HDGFL3: variants seen among roughly 807,000 people sequenced by gnomAD.
The protein encoded by HDGFL3 is HDGF like 3.
A neutral mutation model predicts 27.6 loss-of-function variants in HDGFL3; 6 were observed. The observed-to-expected ratio is 0.22, with a 90% CI of 0.12 to 0.43. HDGFL3 has a LOEUF of 0.43. Among genes scored for constraint, HDGFL3 ranks in the 20% least tolerant of loss-of-function variants. The pLI is 1.00. For synonymous variants in HDGFL3, 88 were observed against 88.9 expected (o/e 0.99, Z 0.05); for missense variants, 207 against 250.1 (o/e 0.83, Z 1.16).
chr15:83,113,625 C>G (rs1444422822), exon 4 of HDGFL3: 2 of 152,490 alleles, frequency 1.3e-5, no homozygotes, highest in Non-Finnish European at 2.9e-5. Flanking sequence ...CCTACAGCAA[C>G]AAACATTTAT....
intron 1 of HDGFL3, chr15:83,185,790 G>A (rs1429786563): frequency 3.3e-5 from 5 of 152,230 alleles, no homozygotes; most frequent in Non-Finnish European, 7.3e-5. Context: ...CCCTGTCCTT[G>A]AGTATGTGCT....
chr15:83,119,805 T>C, intron 3 of HDGFL3: 1 of 1,473,842 alleles, frequency 6.8e-7, no homozygotes, highest in Non-Finnish European at 9.2e-7. Flanking sequence ...ATAAGTTCCA[T>C]GGGTGCACGT....
chr15:83,174,401 AC>A (rs555767690), intron 1 of HDGFL3, among the ~76,000 whole-genome samples: 77 of 152,232 alleles, frequency 5.1e-4, no homozygotes, highest in African/African-American at 1.6e-3. Flanking sequence ...GGCTATTGTA[AC>A]AGTTTTTCAC....
At position 83,119,777 on chromosome 15, in the gene HDGFL3, G is replaced by A. The variant is rs536487887; in HGVS notation, c.394-4036C>T. ...ATGCATAGAGGCAAATACACAAGCA[G>A]GTATACTGGACATGAATATAAGTTC... On this transcript the variant is annotated intron_variant, in intron 3 of 3. Coordinates refer to the HDGFL3 transcript ENST00000568294. The A allele has an allele frequency of 1.5e-3, 2,420 of 1,569,128 alleles. 3 individuals are homozygous for A. Among genetic ancestry groups the A allele is most frequent in the Non-Finnish European group, 2.0e-3 (2,283 of 1,155,406 alleles).
downstream of HDGFL3, chr15:83,124,705 A>G (rs1294413776): frequency 1.9e-6 from 3 of 1,614,012 alleles, no homozygotes; most frequent in African/African-American, 4.0e-5. Context: ...AGACCTGCTG[A>G]GAAGACCATT....
At chr15:83,154,093 CTGTT>C (rs2036997143) in intron 4 of HDGFL3, among the ~76,000 whole-genome samples, 1 of 151,360 alleles carries the variant, frequency 6.6e-6, no homozygotes, top group South Asian at 2.1e-4. Flanking sequence ...GGCGGGCAGA[CTGTT>C]TGAGCTCAGG....
chr15:83,166,267 C>A (rs375088350), intron 1 of HDGFL3, among the ~76,000 whole-genome samples: 2 of 152,172 alleles, frequency 1.3e-5, no homozygotes, highest in East Asian at 1.9e-4. Flanking sequence ...TCAGCAGAAA[C>A]CTTACAAGCC....
chr15:83,170,790 T>C (rs890799314), intron 1 of HDGFL3, among the ~76,000 whole-genome samples: 3 of 151,328 alleles, frequency 2.0e-5, no homozygotes, highest in South Asian at 4.2e-4. Context: ...ACAACCTACA[T>C]TGAATGGGAG....
intron 1 of HDGFL3, among the ~76,000 whole-genome samples, chr15:83,196,806 T>C (rs942857798): frequency 6.6e-6 from 1 of 152,182 alleles, no homozygotes; most frequent in Non-Finnish European, 1.5e-5. Context: ...TGATTTTCAT[T>C]TATAAGCAAA....
chr15:83,174,995 C>T (rs762003510), intron 1 of HDGFL3, among the ~76,000 whole-genome samples: 1 of 152,138 alleles, frequency 6.6e-6, no homozygotes, highest in Non-Finnish European at 1.5e-5. Flanking sequence ...AGATTAAAAT[C>T]CAGCTTAATG....
At chr15:83,140,707 C>G (rs1002200962) in intron 5 of HDGFL3, among the ~76,000 whole-genome samples, 1 of 152,092 alleles carries the variant, frequency 6.6e-6, no homozygotes, top group Non-Finnish European at 1.5e-5. Context: ...GTCTCAAACT[C>G]CTGACCTTGT....
At chr15:83,141,842 C>A (rs1280868088) in intron 5 of HDGFL3, among the ~76,000 whole-genome samples, 1 of 152,154 alleles carries the variant, frequency 6.6e-6, no homozygotes, top group African/African-American at 2.4e-5. Context: ...ATTTGGAAGA[C>A]CCAAGTAATT....
At chr15:83,150,331 C>A (rs2036948523) in intron 5 of HDGFL3, among the ~76,000 whole-genome samples, 1 of 152,068 alleles carries the variant, frequency 6.6e-6, no homozygotes, top group South Asian at 2.1e-4. Flanking sequence ...CCTGGGAAGG[C>A]TGCTGGCAAA....
At chr15:83,140,481 GTTTTT>G (rs11429826) in intron 5 of HDGFL3, among the ~76,000 whole-genome samples, 11 of 135,756 alleles carry the variant, frequency 8.1e-5, no homozygotes, top group Admixed American at 7.7e-5. Context: ...ACCAAAGAAA[GTTTTT>G]TTTTTTTTTT....
chr15:83,203,712 ATAAG>A (rs1360133412), intron 1 of HDGFL3, among the ~76,000 whole-genome samples: 1 of 151,988 alleles, frequency 6.6e-6, no homozygotes, highest in Non-Finnish European at 1.5e-5. Flanking sequence ...ATAAGTAATA[ATAAG>A]TATTATTACT....
At chr15:83,193,089 G>A (rs919723920) in intron 1 of HDGFL3, among the ~76,000 whole-genome samples, 3 of 138,956 alleles carry the variant, frequency 2.2e-5, no homozygotes, top group South Asian at 2.3e-4. Flanking sequence ...CCAGAGTCCC[G>A]TTCTCTGCTT....
chr15:83,123,453 AGTTTCTCTCT>A (rs1281443664), downstream of HDGFL3, among the ~76,000 whole-genome samples: 11 of 152,272 alleles, frequency 7.2e-5, no homozygotes, highest in East Asian at 2.1e-3. Context: ...TTTCTAAGCT[AGTTTCTCTCT>A]GTTTCTTTTA....
At chr15:83,196,427 T>C (rs1437707009) in intron 1 of HDGFL3, among the ~76,000 whole-genome samples, 1 of 152,030 alleles carries the variant, frequency 6.6e-6, no homozygotes, top group Non-Finnish European at 1.5e-5. Flanking sequence ...AAGCATTACA[T>C]ACAAACTCTT....
chr15:83,196,934 T>C (rs1484053463), intron 1 of HDGFL3, among the ~76,000 whole-genome samples: 1 of 152,234 alleles, frequency 6.6e-6, no homozygotes, highest in Non-Finnish European at 1.5e-5. Context: ...ATGTATCTAC[T>C]AACATCTGAG....
Sources: allele counts gnomAD v4.1 joint callset (sites outside exome capture counted in the v4.1 genomes callset), GRCh38; gene constraint gnomAD v4.1.1; transcripts MANE v1.5; gene names NCBI Gene and HGNC (gene_info 2026-07-23, HGNC 2026-07-21).